ZYG11B: variants seen among roughly 807,000 people sequenced by gnomAD.
ZYG11B encodes zyg-11 family member B, cell cycle regulator.
ZYG11B carries 36 observed loss-of-function variants against 82.4 expected under a neutral mutation model. The ratio of observed to expected loss-of-function variants is 0.44; its 90% CI spans 0.33 to 0.58. ZYG11B has a LOEUF of 0.58. Ranked by LOEUF, ZYG11B falls within the 20% of genes least tolerant of loss-of-function variation. ZYG11B has a pLI of 0.02. For missense variants in ZYG11B, 552 were observed against 895.6 expected (o/e 0.62, Z 4.90); for synonymous variants, 303 against 312.8 (o/e 0.97, Z 0.33).
intron 1 of ZYG11B, among the ~76,000 whole-genome samples, chr1:52,741,813 C>T (rs1468841520): frequency 6.6e-6 from 1 of 152,038 alleles, no homozygotes; most frequent in East Asian, 1.9e-4. Flanking sequence ...CTGCTCTTGT[C>T]TTCATTTTAC....
chr1:52,812,493 C>T (rs978044137), intron 10 of ZYG11B, among the ~76,000 whole-genome samples: 3 of 152,132 alleles, frequency 2.0e-5, no homozygotes, highest in Non-Finnish European at 4.4e-5. Context: ...GCCTCCACCT[C>T]CCAGGTTCAA....
At position 52,827,197 on chromosome 1, in the gene ZYG11B, C is replaced by T. The variant is rs1645332000; in HGVS notation, c.*5568C>T. ...TTATCTGGACTGAAGGCACTGTTCT[C>T]ACTATGGCCAGATGAATGGGAGTAT... is the stretch of plus-strand genomic sequence containing the variant. On this transcript the variant is annotated 3_prime_UTR_variant, in exon 14 of 14. Transcript: ENST00000294353. The T allele has an allele frequency of 6.6e-6, 1 of 152,184 alleles. No individual in the cohort carries two copies. The highest frequency in any genetic ancestry group is 2.4e-5 in the African/African-American group (1 of 41,448). 9.4% of individuals were successfully genotyped at this position (152,184 alleles called of 1,614,324 possible).
intron 1 of ZYG11B, among the ~76,000 whole-genome samples, chr1:52,748,403 G>A (rs1644493432): frequency 6.6e-6 from 1 of 152,210 alleles, no homozygotes; most frequent in Non-Finnish European, 1.5e-5. Context: ...ATTGAAGATT[G>A]AAAATATTTA....
rs577259815 is a variant in ZYG11B, at chr1:52,805,328, T to C, written c.1695+3189T>C. The stretch of plus-strand genomic sequence containing the variant: ...TGCAAGCAGTGAGGAGATGGATTTT[T>C]AGGAAAGCTGAGGACTGCCATTTAA... On this transcript the variant is annotated intron_variant, in intron 10 of 13. Coordinates refer to ENST00000294353, the MANE Select transcript of ZYG11B (RefSeq NM_024646.3). The C allele has an allele frequency of 1.5e-4, 53 of 342,950 alleles. No individual in the cohort carries two copies. The Admixed American group carries it at 1.6e-3, about 11-fold the overall frequency. The allele number at this position is 342,950 out of a possible 1,614,324, so 21.2% of individuals were successfully genotyped here.
chr1:52,783,239 A>G lies in ZYG11B; in HGVS notation c.1093-1638A>G, dbSNP rs571860307. ...ACCATGCCTGGCCAAGGCAATTCTT[A>G]TAGGGAATTTTGCTGCAAAGGGGAG... On this transcript the variant is annotated intron_variant, in intron 4 of 13. Coordinates refer to ENST00000294353, the MANE Select transcript of ZYG11B (RefSeq NM_024646.3). 7.9e-5 allele frequency among the ~76,000 whole-genome samples: 12 copies of G among 152,214 alleles called. No homozygotes were observed. In the East Asian group the frequency reaches 2.3e-3, roughly 29 times the overall value.
intron 13 of ZYG11B, among the ~76,000 whole-genome samples, chr1:52,817,268 G>A (rs1210250201): frequency 1.3e-5 from 2 of 152,062 alleles, no homozygotes; most frequent in South Asian, 2.1e-4. Context: ...GGTACATTCC[G>A]GTGCCCAATT....
At chr1:52,803,229 CATAT>C (rs200187664) in intron 10 of ZYG11B, among the ~76,000 whole-genome samples, 1 of 65,190 alleles carries the variant, frequency 1.5e-5, no homozygotes, top group Non-Finnish European at 2.4e-5. Flanking sequence ...TATATACACA[CATAT>C]ATATATACAC....
intron 1 of ZYG11B, among the ~76,000 whole-genome samples, chr1:52,747,941 A>G (rs1460950577): frequency 2.0e-5 from 3 of 152,230 alleles, no homozygotes; most frequent in Non-Finnish European, 2.9e-5. Context: ...TTTAATTTAT[A>G]GAATTCTTAT....
chr1:52,806,922 G>A (rs975430291), intron 10 of ZYG11B, among the ~76,000 whole-genome samples: 1 of 151,612 alleles, frequency 6.6e-6, no homozygotes, highest in Non-Finnish European at 1.5e-5. Flanking sequence ...AGGCTAGAGT[G>A]CAGTGGTGTG....
chr1:52,772,017 A>G (rs1246659412), intron 3 of ZYG11B, among the ~76,000 whole-genome samples: 1 of 152,216 alleles, frequency 6.6e-6, no homozygotes, highest in African/African-American at 2.4e-5. Flanking sequence ...AATTCTGAAG[A>G]TTAATAATAA....
At chr1:52,763,945 C>G (rs1644658428) in intron 2 of ZYG11B, among the ~76,000 whole-genome samples, 1 of 152,132 alleles carries the variant, frequency 6.6e-6, no homozygotes, top group Non-Finnish European at 1.5e-5. Flanking sequence ...GCTTACACTC[C>G]CAGACTAGCA....
At chr1:52,794,738 G>C (rs1335486348) in intron 6 of ZYG11B, among the ~76,000 whole-genome samples, 1 of 152,172 alleles carries the variant, frequency 6.6e-6, no homozygotes, top group East Asian at 1.9e-4. Context: ...AAGATAATCA[G>C]ATGTATTCCT....
At chr1:52,754,063 T>C (rs936550592) in intron 1 of ZYG11B, among the ~76,000 whole-genome samples, 7 of 151,228 alleles carry the variant, frequency 4.6e-5, no homozygotes, top group Non-Finnish European at 8.8e-5. Flanking sequence ...TCTGGCTCTA[T>C]TGCCCAGGCT....
At chr1:52,812,858 C>T (rs1645195316) in intron 10 of ZYG11B, among the ~76,000 whole-genome samples, 1 of 151,530 alleles carries the variant, frequency 6.6e-6, no homozygotes, top group Non-Finnish European at 1.5e-5. Context: ...TCCCAAGTAG[C>T]TGAGATTACA....
At chr1:52,774,307 A>ATT (rs372279550) in intron 3 of ZYG11B, among the ~76,000 whole-genome samples, 2,570 of 127,508 alleles carry the variant, frequency 0.02, 126 homozygotes, top group African/African-American at 0.067. Context: ...TAACTGGCTA[A>ATT]TTTTTTTTTT....
At chr1:52,736,706 G>A (rs1317577991) in intron 1 of ZYG11B, among the ~76,000 whole-genome samples, 1 of 152,108 alleles carries the variant, frequency 6.6e-6, no homozygotes, top group Non-Finnish European at 1.5e-5. Context: ...GCCCACCTTG[G>A]CCTCCCAAAG....
chr1:52,797,118 A>ATTATATATTATATAT (rs1558137495), intron 8 of ZYG11B, among the ~76,000 whole-genome samples: 2 of 69,024 alleles, frequency 2.9e-5, no homozygotes, highest in African/African-American at 2.5e-4. Flanking sequence ...ATATTTATAT[A>ATTATATATTATATAT]TTATATATTA....
At chr1:52,803,227 C>CAT (rs1645105823) in intron 10 of ZYG11B, among the ~76,000 whole-genome samples, 3 of 68,960 alleles carry the variant, frequency 4.4e-5, no homozygotes, top group East Asian at 2.6e-3. Flanking sequence ...TATATATACA[C>CAT]ACATATATAT....
chr1:52,805,091 CAAA>C (rs57893615), intron 10 of ZYG11B: 3,199 of 112,222 alleles, frequency 0.029, 90 homozygotes, highest in East Asian at 0.18. Context: ...AACTCTGTCT[CAAA>C]AAAAAAAAAA....
Sources: gnomAD v4.1 joint callset for allele counts (sites outside exome capture counted in the v4.1 genomes callset) on GRCh38, gnomAD v4.1.1 for gene constraint, MANE v1.5 for transcripts, NCBI Gene and HGNC (gene_info 2026-07-23, HGNC 2026-07-21) for gene names.